The following DAZL variants were observed in gnomAD, a reference collection of about 807,000 sequenced individuals.
DAZL encodes deleted in azoospermia-like.
DAZL carries 4 observed loss-of-function variants against 45.0 expected under a neutral mutation model. The observed-to-expected ratio is 0.09, with a 90% CI of 0.04 to 0.20. The LOEUF (loss-of-function observed/expected upper bound fraction) is 0.20. Among genes scored for constraint, DAZL ranks in the 10% least tolerant of loss-of-function variants. DAZL has a pLI of 1.00. For missense variants in DAZL, 326 were observed against 351.3 expected, an observed-to-expected ratio of 0.93 and a Z score of 0.58; for synonymous variants, 122 against 112.4, an observed-to-expected ratio of 1.09 and a Z score of -0.54.
chr3:16,591,099 A>C (rs1003147165), intron 10 of DAZL, among the ~76,000 whole-genome samples: 2 of 152,192 alleles, frequency 1.3e-5, no homozygotes, highest in African/African-American at 2.4e-5. Flanking sequence ...CATTGGACTG[A>C]CCAAGTTAGT....
In DAZL at chr3:16,598,532, C is replaced by G. The variant is rs2125047069; in HGVS notation, c.70G>C (p.Ala24Pro). Residue 24 changes from alanine (A) to proline (P), a missense_variant, in exon 2 of 11, where the codon GCT (alanine) becomes CCT (proline). This residue lies in a region of DAZL where 81 missense variants were observed against 89.6 expected (regional missense o/e 0.90). Coordinates refer to ENST00000399444, the MANE Select transcript of DAZL (RefSeq NM_001351.4). ...AAAATATAGCCTTGGCTGGTTGCAG[C>G]TGATGAGGACTGGGTGCTGGCCTCT... ...SREASTQSSS[A>P]ATSQGYILPE... The G allele has an allele frequency of 6.2e-7, 1 of 1,605,484 alleles. No homozygotes were observed. The highest frequency in any genetic ancestry group is 8.5e-7 in the Non-Finnish European group (1 of 1,179,136).
chr3:16,597,607 A>G, intron 3 of DAZL, 66 bp from the exon 4 acceptor site: 1 of 985,068 alleles, frequency 1.0e-6, no homozygotes, highest in Non-Finnish European at 1.6e-6. Flanking sequence ...AACTTCTACT[A>G]TATACGGAAG....
intron 9 of DAZL, among the ~76,000 whole-genome samples, chr3:16,593,385 G>A (rs1322877117): frequency 2.0e-5 from 3 of 152,072 alleles, no homozygotes; most frequent in Non-Finnish European, 4.4e-5. Flanking sequence ...CTTGCCCAGG[G>A]TGGTCTCGAA....
At chr3:16,598,065 T>A (rs1303809255) in intron 3 of DAZL, 22 bp downstream of exon 3, 1 of 1,519,914 alleles carries the variant, frequency 6.6e-7, no homozygotes, top group South Asian at 1.1e-5. Flanking sequence ...AGAGTTCAGA[T>A]ATTTTTGATA....
intron 6 of DAZL, 84 bp downstream of exon 6, chr3:16,596,659 ATTACCAC>A: frequency 1.4e-6 from 2 of 1,398,836 alleles, no homozygotes; most frequent in Non-Finnish European, 2.0e-6. Context: ...CAGGGATGCC[ATTACCAC>A]TTACTACAGA....
rs139840516 is a variant in DAZL at position 16,597,034 on chromosome 3, A to G, written c.312T>C (p.His104=). Residue 104 remains histidine, a synonymous_variant, in exon 5 of 11, where the codon CAT becomes CAC. Transcript: ENST00000399444. The part of the protein sequence containing the change: ...QKIVESQINF[H]GKKLKLGPAI... Reference sequence around the variant, plus strand: ...CAGGGCCCAGCTTCAGCTTTTTACCATGGAAATTTATCTGTGACTGAAAAT... The same window carrying G: ...CAGGGCCCAGCTTCAGCTTTTTACCGTGGAAATTTATCTGTGACTGAAAAT... The G allele has an allele frequency of 3.1e-3, 5,049 of 1,611,572 alleles. 155 individuals are homozygous for G. In the African/African-American group the frequency reaches 0.059, roughly 19 times the overall value.
chr3:16,605,042 C>T (rs1206121753), intron 1 of DAZL, among the ~76,000 whole-genome samples, 161 bp downstream of exon 1: 1 of 152,242 alleles, frequency 6.6e-6, no homozygotes, highest in Non-Finnish European at 1.5e-5. Flanking sequence ...TGCCAGGCCG[C>T]CTCTCCCAAC....
intron 1 of DAZL, among the ~76,000 whole-genome samples, chr3:16,602,960 TAAA>T (rs1694715052): frequency 6.6e-6 from 1 of 152,016 alleles, no homozygotes; most frequent in Non-Finnish European, 1.5e-5. Flanking sequence ...CAAATAAAAA[TAAA>T]AAGGAAGTTT....
At chr3:16,604,888 G>A in intron 1 of DAZL, 3 of 719,490 alleles carry the variant, frequency 4.2e-6, no homozygotes, top group Middle Eastern at 4.1e-4. Context: ...ACCTCTGCCA[G>A]TAGAGAACCC....
chr3:16,595,288 A>G (rs1344970715), intron 7 of DAZL, 26 bp downstream of exon 7: 1 of 1,336,532 alleles, frequency 7.5e-7, no homozygotes, highest in African/African-American at 1.5e-5. Context: ...TCTGAAAGTA[A>G]ATCATTTTAC....
chr3:16,588,777 A>G, intron 10 of DAZL, 64 bp from the exon 11 acceptor site: 4 of 1,301,678 alleles, frequency 3.1e-6, no homozygotes, highest in South Asian at 2.4e-5. Flanking sequence ...TATAGATCTG[A>G]AAGTTGTCAA....
chr3:16,592,130 T>C lies in DAZL; in HGVS notation c.754A>G (p.Ile252Val). 2 of 1,613,528 alleles carry C rather than the reference T, an allele frequency of 1.2e-6. No homozygotes were observed. Among genetic ancestry groups the C allele is most frequent in the Non-Finnish European group, 1.7e-6 (2 of 1,179,868 alleles). Residue 252 changes from isoleucine (I) to valine (V), a missense_variant, in exon 10 of 11, where the codon ATA (isoleucine) becomes GTA (valine). Ile to Val is a conservative substitution (Grantham distance 29). This residue lies in a region of DAZL where 227 missense variants were observed against 216.6 expected (regional missense o/e 1.05). Transcript: ENST00000399444. ...GPQKKSVDRS[I>V]QTVVSCLFNP... ...AACAGACAAGATACCACCGTTTGTA[T>C]GCTTCGGTCCACAGATTTCTGAAAC...
Position 16,598,107 on chromosome 3 carries a change from A to C in DAZL, c.222T>G (p.Asp74Glu), listed in dbSNP as rs767046664. Residue 74 changes from aspartate (D) to glutamate (E), a missense_variant, in exon 3 of 11, where the codon GAT becomes GAG. Physicochemically the swap from Asp to Glu is conservative, Grantham distance 45 (BLOSUM62 2). Transcript: ENST00000399444. ...CTCACCCTTTGGACACACCAGTTCG[A>C]TCAGTGATTATCTTCACTTCTTTCA... ...GSVKEVKIIT[D>E]RTGVSKGYGF... 1.3e-6 allele frequency: 2 copies of C among 1,597,304 alleles called. No individual in the cohort carries two copies. The highest frequency in any genetic ancestry group is 2.7e-5 in the African/African-American group (2 of 74,542).
intron 8 of DAZL, among the ~76,000 whole-genome samples, chr3:16,593,977 A>G (rs373016421): frequency 6.6e-6 from 1 of 152,364 alleles, no homozygotes. Context: ...AGGCATCAAC[A>G]TAATCAGAAG....
At chr3:16,604,487 A>G (rs1329687952) in intron 1 of DAZL, 1 of 1,525,350 alleles carries the variant, frequency 6.6e-7, no homozygotes, top group East Asian at 2.5e-5. Context: ...TCGCCGCCAC[A>G]CGAGGGAGCC....
chr3:16,596,809 T>C lies in DAZL; in HGVS notation c.439A>G (p.Asn147Asp). ...PQFQNVWTNP[N>D]TETYMQPTTT... ...GTGGGCTGCATATAAGTTTCAGTGT[T>C]TGGATTAGTCCAGACATTCTGAAAC... Residue 147 changes from asparagine to aspartate, a missense_variant, in exon 6 of 11, where the codon AAC becomes GAC. Asn to Asp is a conservative substitution (Grantham distance 23). Transcript: ENST00000399444. 1 of 1,613,694 alleles carries C rather than the reference T, an allele frequency of 6.2e-7. No homozygotes were observed. The highest frequency in any genetic ancestry group is 8.5e-7 in the Non-Finnish European group (1 of 1,179,636).
chr3:16,596,713 A>G (rs1694605322), intron 6 of DAZL, 37 bp downstream of exon 6: 2 of 1,609,334 alleles, frequency 1.2e-6, no homozygotes, highest in Non-Finnish European at 1.7e-6. Context: ...CGATGACTAC[A>G]ATAAACAAGA....
chr3:16,604,619 G>A (rs1051902926), intron 1 of DAZL: 34 of 828,116 alleles, frequency 4.1e-5, no homozygotes, highest in African/African-American at 7.0e-5. Flanking sequence ...AGGCCCCCAC[G>A]AACCCCGCCC....
chr3:16,597,123 A>C (rs1310213243), intron 4 of DAZL, 72 bp from the exon 5 acceptor site: 1 of 1,459,546 alleles, frequency 6.9e-7, no homozygotes, highest in Non-Finnish European at 9.5e-7. Context: ...ATGAACACCT[A>C]AAGTCTTCTA....
Sources: allele counts gnomAD v4.1 joint callset (sites outside exome capture counted in the v4.1 genomes callset), GRCh38; gene constraint gnomAD v4.1.1; regional missense constraint gnomAD v4.1.1; transcripts MANE v1.5; gene names NCBI Gene and HGNC (gene_info 2026-07-23, HGNC 2026-07-21).